The following BANP variants were observed in gnomAD, a reference collection of about 807,000 sequenced individuals.
BANP encodes the protein BTG3 associated nuclear protein.
Under a neutral mutation model 68.1 loss-of-function variants are expected in BANP, and 11 were observed. The ratio of observed to expected loss-of-function variants is 0.16; its 90% confidence interval spans 0.10 to 0.27. The LOEUF (loss-of-function observed/expected upper bound fraction) is 0.27, where lower values mean the gene tolerates loss of function less well. Among genes scored for constraint, BANP ranks in the 10% least tolerant of loss-of-function variants. The pLI, the probability that BANP is intolerant of heterozygous loss-of-function variation, is 1.00. For synonymous variants in BANP, 329 were observed against 303.2 expected, an observed-to-expected ratio of 1.09 and a Z score of -0.88; for missense variants, 504 against 722.7, an observed-to-expected ratio of 0.70 and a Z score of 3.47.
chr16:88,051,370 T>G (rs1303462766), intron 11 of BANP, among the ~76,000 whole-genome samples: 2 of 152,178 alleles, frequency 1.3e-5, no homozygotes, highest in Non-Finnish European at 2.9e-5. Flanking sequence ...GCCCTGCATG[T>G]GTAGATGTGG....
chr16:88,050,730 C>G (rs1236579635), intron 11 of BANP, among the ~76,000 whole-genome samples: 1 of 151,986 alleles, frequency 6.6e-6, no homozygotes, highest in African/African-American at 2.4e-5. Context: ...ACTCTGTTGT[C>G]GAGGCTGGAG....
At chr16:87,984,021 A>C (rs149283596) in intron 3 of BANP, 39 bp from the exon 4 acceptor site, 1 of 1,606,326 alleles carries the variant, frequency 6.2e-7, no homozygotes, top group African/African-American at 1.3e-5. Context: ...CTTACAGTTC[A>C]GGAGACCCTT....
intron 12 of BANP, among the ~76,000 whole-genome samples, chr16:88,068,470 T>G (rs1567933721): frequency 6.6e-6 from 1 of 152,196 alleles, no homozygotes; most frequent in Non-Finnish European, 1.5e-5. Context: ...GCTTGCTTTA[T>G]TCACAGCCCT....
chr16:87,961,412 C>CA (rs1555533470), intron 1 of BANP, among the ~76,000 whole-genome samples: 1 of 142,948 alleles, frequency 7.0e-6, no homozygotes, highest in African/African-American at 2.5e-5. Flanking sequence ...AATCTGCACC[C>CA]CCCCGGGCCT....
intron 13 of BANP, among the ~76,000 whole-genome samples, chr16:88,074,697 A>AC (rs2091218094): frequency 1.3e-5 from 2 of 150,694 alleles, no homozygotes; most frequent in African/African-American, 4.9e-5. Flanking sequence ...TGGCCCCCCT[A>AC]CCCCAACCTC....
intron 11 of BANP, among the ~76,000 whole-genome samples, chr16:88,045,161 G>A (rs1289416182): frequency 6.6e-6 from 1 of 152,158 alleles, no homozygotes; most frequent in Non-Finnish European, 1.5e-5. Context: ...ATTCTTCTCA[G>A]GGCTTTTCAT....
intron 13 of BANP, 68 bp from the exon 14 acceptor site, chr16:88,076,522 C>A (rs888574529): frequency 5.7e-6 from 8 of 1,414,124 alleles, no homozygotes; most frequent in Non-Finnish European, 7.9e-6. Flanking sequence ...ACTGGCTGTT[C>A]ATGACACCCC....
intron 4 of BANP, among the ~76,000 whole-genome samples, chr16:87,989,804 CCAGGACA>C (rs2065450683): frequency 5.8e-5 from 7 of 120,368 alleles, no homozygotes; most frequent in East Asian, 6.8e-4. Context: ...CTGCGCGCAT[CCAGGACA>C]CAGGACACAG....
At chr16:87,986,342 C>T (rs970290610) in intron 4 of BANP, among the ~76,000 whole-genome samples, 1 of 152,188 alleles carries the variant, frequency 6.6e-6, no homozygotes. Flanking sequence ...CAAAATTGGT[C>T]GTTAGATTCC....
At chr16:88,066,796 A>G (rs1436915371) in intron 12 of BANP, among the ~76,000 whole-genome samples, 2 of 152,094 alleles carry the variant, frequency 1.3e-5, no homozygotes. Flanking sequence ...CTTTGCCATC[A>G]GCCTTCAAAA....
chr16:88,071,617 T>G lies in BANP; in HGVS notation c.1378-452T>G. 2.2e-6 allele frequency: 1 copy of G among 459,862 alleles called. No homozygotes were observed. The highest frequency in any genetic ancestry group is 4.4e-6 in the Non-Finnish European group (1 of 229,240). The allele number at this position is 459,862 out of a possible 1,614,324, so 28.5% of individuals were successfully genotyped here. A position where few individuals can be genotyped will look rare whatever the true frequency, so the allele number is the denominator to read the frequency against. ...CTGAGCCCTTGAGGTCACTCTGCCT[T>G]GGGAATGGGGAGGGTTTGGGTCTCA... On this transcript the variant is annotated intron_variant, in intron 12 of 13. Coordinates refer to ENST00000682872, the MANE Select transcript of BANP (RefSeq NM_001386991.1). The surrounding 1 kb of genome is among the most constrained non-coding windows in gnomAD (Gnocchi z 6.5).
chr16:87,999,425 GACA>G (rs1460438586), intron 4 of BANP, among the ~76,000 whole-genome samples: 5 of 78,898 alleles, frequency 6.3e-5, no homozygotes, highest in South Asian at 5.2e-4. Flanking sequence ...CAGACACCCA[GACA>G]CGTCTCCATG....
At chr16:88,016,471 A>G (rs1024553737) in intron 6 of BANP, among the ~76,000 whole-genome samples, 1 of 151,732 alleles carries the variant, frequency 6.6e-6, no homozygotes, top group Non-Finnish European at 1.5e-5. Context: ...TCCCCTCCCC[A>G]TGGCTTCCTT....
Position 87,954,830 on chromosome 16 carries a change from C to A in BANP, c.-69+3315C>A, listed in dbSNP as rs116829608. On this transcript the variant is annotated intron_variant, in intron 1 of 13. Coordinates refer to ENST00000682872, the MANE Select transcript of BANP (RefSeq NM_001386991.1). ...TGATGTTAATGGAGTGAGAGGAGGT[C>A]ACCCGTACGGCCAGTCACTCCCCTT... is the stretch of plus-strand genomic sequence containing the variant. Among the ~76,000 whole-genome samples, 1,056 of 152,360 alleles carry A rather than the reference C, an allele frequency of 6.9e-3. 18 individuals are homozygous for A. Among genetic ancestry groups the A allele is most frequent in the African/African-American group, 0.024 (1,010 of 41,574 alleles).
rs140647840 is a variant in BANP at position 88,004,478 on chromosome 16, C to T, written c.479+67C>T. The T allele has an allele frequency of 4.6e-5, 42 of 912,490 alleles. No individual in the cohort carries two copies. Among genetic ancestry groups the T allele is most frequent in the Admixed American group, 2.2e-4 (9 of 40,030 alleles). 56.5% of individuals were successfully genotyped at this position (912,490 alleles called of 1,614,324 possible). On this transcript the variant is annotated intron_variant, in intron 5 of 13. Coordinates refer to ENST00000682872, the MANE Select transcript of BANP (RefSeq NM_001386991.1). The surrounding 1 kb of genome is among the most constrained non-coding windows in gnomAD (Gnocchi z 7.0). ...GCGGAGTCCCATGAGAATAAGTCAA[C>T]GTCCCTAAGCCAGGGCACAGTCCAG...
chr16:87,984,980 T>C (rs1197894492), intron 4 of BANP, among the ~76,000 whole-genome samples: 1 of 152,238 alleles, frequency 6.6e-6, no homozygotes, highest in African/African-American at 2.4e-5. Context: ...CTGGCCTGGC[T>C]GTAGCCTTCT....
At chr16:87,950,046 T>C (rs2056664929), upstream of BANP, among the ~76,000 whole-genome samples, 2 of 151,438 alleles carry the variant, frequency 1.3e-5, no homozygotes, top group South Asian at 4.2e-4. Flanking sequence ...CCGGGCTAAT[T>C]TTTTGTATTT....
At chr16:87,995,230 G>A (rs1430854596) in intron 4 of BANP, among the ~76,000 whole-genome samples, 3 of 152,230 alleles carry the variant, frequency 2.0e-5, no homozygotes, top group East Asian at 1.9e-4. Context: ...AGCCCCTGAC[G>A]GCCAGGGAAG....
At chr16:88,038,277 A>G (rs2079892125) in intron 11 of BANP, among the ~76,000 whole-genome samples, 1 of 152,080 alleles carries the variant, frequency 6.6e-6, no homozygotes, top group East Asian at 1.9e-4. Context: ...TGGTGCTGCC[A>G]AGGAATGGGG....
Sources: allele counts gnomAD v4.1 joint callset (sites outside exome capture counted in the v4.1 genomes callset), GRCh38; gene constraint gnomAD v4.1.1; non-coding constraint Gnocchi (gnomAD v3.1); transcripts MANE v1.5; gene names NCBI Gene and HGNC (gene_info 2026-07-23, HGNC 2026-07-21).